CACNB4: variants seen among roughly 807,000 people sequenced by gnomAD.
CACNB4 encodes voltage-dependent L-type calcium channel subunit beta-4.
CACNB4 carries 32 observed loss-of-function variants against 71.2 expected under a neutral mutation model. That is an observed-to-expected ratio of 0.45 (90% CI 0.34 to 0.60). The LOEUF (loss-of-function observed/expected upper bound fraction) is 0.60, where lower values mean the gene tolerates loss of function less well. CACNB4 is among the 20% of genes least tolerant of loss of function. The pLI is 0.01. For synonymous variants in CACNB4, 231 were observed against 236.9 expected, an observed-to-expected ratio of 0.97 and a Z score of 0.23; for missense variants, 464 against 647.9, an observed-to-expected ratio of 0.72 and a Z score of 3.08.
At chr2:151,925,922 G>A (rs2099860129) in intron 2 of CACNB4, among the ~76,000 whole-genome samples, 1 of 152,208 alleles carries the variant, frequency 6.6e-6, no homozygotes, top group South Asian at 2.1e-4. Context: ...CATACCACTT[G>A]CTGGGATGTG....
chr2:152,058,070 T>C (rs1685814925), intron 2 of CACNB4, among the ~76,000 whole-genome samples: 1 of 152,186 alleles, frequency 6.6e-6, no homozygotes, highest in South Asian at 2.1e-4. Context: ...ACTTTGCTCC[T>C]CACTCTTCTC....
At chr2:152,077,581 T>C (rs1687103054) in intron 2 of CACNB4, among the ~76,000 whole-genome samples, 1 of 151,468 alleles carries the variant, frequency 6.6e-6, no homozygotes. Context: ...AATACAAAAA[T>C]GAGTCACACG....
chr2:151,988,164 T>C (rs1681476667), intron 2 of CACNB4, among the ~76,000 whole-genome samples: 1 of 152,208 alleles, frequency 6.6e-6, no homozygotes, highest in Admixed American at 6.5e-5. Context: ...ACTGCTACTG[T>C]ATTTTTTTTT....
chr2:151,856,219 T>TTTTA (rs139788380), intron 10 of CACNB4, among the ~76,000 whole-genome samples: 1 of 149,558 alleles, frequency 6.7e-6, no homozygotes, highest in African/African-American at 2.5e-5. Flanking sequence ...TAAAAAAGTT[T>TTTTA]TATATATATA....
At chr2:151,973,854 T>C (rs2099873263) in intron 2 of CACNB4, 2 of 1,480,352 alleles carry the variant, frequency 1.4e-6, no homozygotes, top group South Asian at 2.8e-5. Context: ...CCAGGCAAGA[T>C]GCTATTCATT....
At chr2:151,937,147 A>C (rs1448100967) in intron 2 of CACNB4, among the ~76,000 whole-genome samples, 1 of 152,196 alleles carries the variant, frequency 6.6e-6, no homozygotes, top group Non-Finnish European at 1.5e-5. Context: ...ATCGGAAACC[A>C]CTGAAATTAA....
chr2:151,881,816 CAGACATCATAGGTGTTGAGGCAA>C (rs2099847935), intron 3 of CACNB4, among the ~76,000 whole-genome samples: 1 of 151,740 alleles, frequency 6.6e-6, no homozygotes, highest in South Asian at 2.1e-4. Context: ...CAACAGAGTA[CAGACATCATAGGTGTTGAGGCAA>C]ATGAAGACAC....
At chr2:151,929,479 G>A (rs1174184682) in intron 2 of CACNB4, among the ~76,000 whole-genome samples, 1 of 152,106 alleles carries the variant, frequency 6.6e-6, no homozygotes, top group Non-Finnish European at 1.5e-5. Context: ...GTTATAACCT[G>A]CAGTTTGAAA....
chr2:152,037,388 T>A (rs1411675837), intron 2 of CACNB4, among the ~76,000 whole-genome samples: 1 of 152,234 alleles, frequency 6.6e-6, no homozygotes, highest in East Asian at 1.9e-4. Context: ...AAATAAATCC[T>A]GCTTTGGCCC....
At chr2:151,897,382 T>C (rs1343840802) in intron 2 of CACNB4, among the ~76,000 whole-genome samples, 1 of 152,202 alleles carries the variant, frequency 6.6e-6, no homozygotes, top group Admixed American at 6.5e-5. Context: ...CAATCAACTA[T>C]TACTAAAGCA....
intron 6 of CACNB4, chr2:151,872,085 C>CTTTTTT: frequency 3.7e-6 from 1 of 266,744 alleles, no homozygotes; most frequent in Non-Finnish European, 7.2e-6. Context: ...CATTTTTTTC[C>CTTTTTT]TTTTTTTATT....
At chr2:151,932,726 A>T (rs2099861920) in intron 2 of CACNB4, among the ~76,000 whole-genome samples, 1 of 149,912 alleles carries the variant, frequency 6.7e-6, no homozygotes, top group South Asian at 2.2e-4. Flanking sequence ...GCCACTTAGG[A>T]GGCTGAGGCA....
chr2:151,954,916 C>T (rs988176704), intron 2 of CACNB4, among the ~76,000 whole-genome samples: 3 of 121,050 alleles, frequency 2.5e-5, no homozygotes, highest in African/African-American at 6.5e-5. Flanking sequence ...TGCAGTGGGG[C>T]GATCTCAGCT....
At chr2:152,034,918 C>T (rs1264082792) in intron 2 of CACNB4, among the ~76,000 whole-genome samples, 1 of 152,138 alleles carries the variant, frequency 6.6e-6, no homozygotes, top group Non-Finnish European at 1.5e-5. Context: ...GAACAGTTGA[C>T]CAAAGGAATC....
intron 2 of CACNB4, among the ~76,000 whole-genome samples, chr2:151,893,888 A>ACAAC (rs1289879314): frequency 1.3e-5 from 2 of 152,224 alleles, no homozygotes; most frequent in Non-Finnish European, 2.9e-5. Context: ...AAAAAGATGA[A>ACAAC]CAACCTATCT....
intron 2 of CACNB4, among the ~76,000 whole-genome samples, chr2:151,921,187 T>TTA (rs1553775409): frequency 1.4e-5 from 2 of 147,286 alleles, no homozygotes; most frequent in Non-Finnish European, 3.0e-5. Flanking sequence ...ATAAATAAGT[T>TTA]AAAAAAAAAC....
intron 2 of CACNB4, among the ~76,000 whole-genome samples, chr2:152,041,578 G>A (rs1432003526): frequency 6.6e-6 from 1 of 152,178 alleles, no homozygotes; most frequent in Non-Finnish European, 1.5e-5. Flanking sequence ...AAAGTTCTGA[G>A]TTTTGATAGG....
At chr2:151,876,386 T>G in intron 5 of CACNB4, 40 bp downstream of exon 5, 1 of 1,571,512 alleles carries the variant, frequency 6.4e-7, no homozygotes, top group Non-Finnish European at 8.7e-7. Flanking sequence ...CACCCAATTT[T>G]CTGACCAAAA....
At chr2:151,886,126 A>T (rs1201205508) in intron 2 of CACNB4, among the ~76,000 whole-genome samples, 2 of 152,056 alleles carry the variant, frequency 1.3e-5, no homozygotes. Context: ...TGTTTCTAAA[A>T]TATCTACAAA....
Sources: gnomAD v4.1 joint callset for allele counts (sites outside exome capture counted in the v4.1 genomes callset) on GRCh38, gnomAD v4.1.1 for gene constraint, MANE v1.5 for transcripts, NCBI Gene and HGNC (gene_info 2026-07-23, HGNC 2026-07-21) for gene names.